PLEKHA5: variants seen among roughly 807,000 people sequenced by gnomAD.
PLEKHA5 encodes the protein pleckstrin homology domain-containing family A member 5.
PLEKHA5 carries 55 observed loss-of-function variants against 181.9 expected under a neutral mutation model. The observed-to-expected ratio is 0.30, with a 90% CI of 0.24 to 0.38. The LOEUF (loss-of-function observed/expected upper bound fraction) is 0.38. Ranked by LOEUF, PLEKHA5 falls within the 10% of genes least tolerant of loss-of-function variation. The pLI, the probability that PLEKHA5 is intolerant of heterozygous loss-of-function variation, is 1.00. For missense variants in PLEKHA5, 1,432 were observed against 1,549.5 expected (o/e 0.92, Z 1.27); for synonymous variants, 535 against 529.4 (o/e 1.01, Z -0.15).
intron 20 of PLEKHA5, among the ~76,000 whole-genome samples, chr12:19,322,997 C>CA (rs1449583659): frequency 9.4e-5 from 14 of 148,224 alleles, no homozygotes; most frequent in Non-Finnish European, 1.3e-4. Context: ...TACAGGCTGG[C>CA]ACTACTACAC....
intron 3 of PLEKHA5, among the ~76,000 whole-genome samples, chr12:19,235,368 T>G (rs1206390349): frequency 1.3e-5 from 2 of 152,208 alleles, no homozygotes; most frequent in Non-Finnish European, 2.9e-5. Flanking sequence ...TAACAAGGTA[T>G]GTACAATATG....
At chr12:19,340,480 T>C (rs1285186084) in intron 21 of PLEKHA5, among the ~76,000 whole-genome samples, 7 of 136,574 alleles carry the variant, frequency 5.1e-5, no homozygotes, top group Non-Finnish European at 8.2e-5. Context: ...GAACGGGCCA[T>C]GATGACAATG....
At chr12:19,331,360 A>AT (rs200306418) in intron 20 of PLEKHA5, among the ~76,000 whole-genome samples, 11 of 151,620 alleles carry the variant, frequency 7.3e-5, no homozygotes, top group East Asian at 1.9e-4. Flanking sequence ...ATTGGTTTTG[A>AT]TTTTTTTTTA....
intron 3 of PLEKHA5, among the ~76,000 whole-genome samples, chr12:19,251,437 A>G (rs1234974987): frequency 5.3e-5 from 8 of 151,812 alleles, no homozygotes; most frequent in African/African-American, 1.9e-4. Context: ...GAAAAGAAAA[A>G]AAAGTTGTAT....
intron 7 of PLEKHA5, among the ~76,000 whole-genome samples, chr12:19,264,062 G>A (rs2069468445): frequency 1.3e-5 from 2 of 151,336 alleles, no homozygotes; most frequent in South Asian, 4.1e-4. Context: ...GATAGAAGGT[G>A]AAGATTTTTT....
chr12:19,265,991 G>GTATTTC (rs1344778295), intron 8 of PLEKHA5, 141 bp downstream of exon 8: 1 of 448,426 alleles, frequency 2.2e-6, no homozygotes, highest in African/African-American at 2.0e-5. Flanking sequence ...TCTTATGGTT[G>GTATTTC]TATAGAAGAA....
At position 19,239,216 on chromosome 12, in the gene PLEKHA5, A is replaced by G. The variant is rs531570517; in HGVS notation, c.228-14724A>G. ...TTTGCATTGTAGAGATTCCATCTTC[A>G]CTCTGATGATCAAAACCTGCTAGTT... On this transcript the variant is annotated intron_variant, in intron 3 of 31. Coordinates refer to ENST00000429027, the MANE Select transcript of PLEKHA5 (RefSeq NM_001256470.2). Among the ~76,000 whole-genome samples, 13 of 152,274 alleles carry G rather than the reference A, an allele frequency of 8.5e-5. 1 individual carries two copies. The South Asian group carries it at 2.3e-3, about 27-fold the overall frequency.
chr12:19,219,797 A>G (rs1344764546), intron 3 of PLEKHA5, among the ~76,000 whole-genome samples: 1 of 152,064 alleles, frequency 6.6e-6, no homozygotes, highest in African/African-American at 2.4e-5. Flanking sequence ...CTGATACAAG[A>G]TCTTTATATA....
At chr12:19,253,366 C>T (rs1444401721) in intron 3 of PLEKHA5, among the ~76,000 whole-genome samples, 2 of 151,670 alleles carry the variant, frequency 1.3e-5, no homozygotes, top group East Asian at 3.9e-4. Context: ...TGAGCCATGG[C>T]ACCTGGCCTA....
chr12:19,274,051 A>G (rs1340490671), intron 10 of PLEKHA5, among the ~76,000 whole-genome samples: 1 of 152,228 alleles, frequency 6.6e-6, no homozygotes, highest in East Asian at 1.9e-4. Flanking sequence ...TATATGGTTC[A>G]GATCTTTGAT....
chr12:19,306,674 G>A (rs1452250664), intron 15 of PLEKHA5: 1 of 1,471,936 alleles, frequency 6.8e-7, no homozygotes, highest in South Asian at 1.1e-5. Context: ...CCGGGCGCTA[G>A]CTCTGAGCAG....
rs559480349 is a variant in PLEKHA5 at position 19,194,331 on chromosome 12, T to C, written c.228-59609T>C. 1.2e-4 allele frequency among the ~76,000 whole-genome samples: 19 copies of C among 152,354 alleles called. No individual in the cohort carries two copies. In the South Asian group the frequency reaches 3.9e-3, roughly 32 times the overall value. On this transcript the variant is annotated intron_variant, in intron 3 of 31. Transcript: ENST00000429027. ...CCACTGTGTATATGCACATTTACTT[T>C]ATCCAGTCCTCCACTGATGGACAGT...
At chr12:19,224,513 G>C (rs1291920205) in intron 3 of PLEKHA5, among the ~76,000 whole-genome samples, 1 of 151,960 alleles carries the variant, frequency 6.6e-6, no homozygotes, top group Non-Finnish European at 1.5e-5. Flanking sequence ...TTATCCCAAG[G>C]AACACCTACC....
At chr12:19,197,455 CCT>C (rs2053091797) in intron 3 of PLEKHA5, among the ~76,000 whole-genome samples, 1 of 152,122 alleles carries the variant, frequency 6.6e-6, no homozygotes, top group African/African-American at 2.4e-5. Context: ...TATCCTGACT[CCT>C]CTTTAATTTC....
intron 15 of PLEKHA5, among the ~76,000 whole-genome samples, chr12:19,294,896 G>C (rs1271035574): frequency 1.3e-5 from 2 of 152,158 alleles, no homozygotes; most frequent in East Asian, 3.9e-4. Context: ...TTATGAGGAT[G>C]AATCATGTAT....
In PLEKHA5 at chr12:19,174,956, TA is replaced by T. The variant is rs574902668; in HGVS notation, c.227+42507del. Among the ~76,000 whole-genome samples the T allele has an allele frequency of 4.9e-4, 74 of 152,316 alleles. No homozygotes were observed. In the East Asian group the frequency reaches 0.013, roughly 28 times the overall value. ...GTGAGAGAAATTTTATTTGCATATG[TA>T]GCATTTTAACATAGTTGATTCCCAT... On this transcript the variant is annotated intron_variant, in intron 3 of 31. Transcript: ENST00000429027.
chr12:19,221,777 G>A (rs995441660), intron 3 of PLEKHA5, among the ~76,000 whole-genome samples: 2 of 152,038 alleles, frequency 1.3e-5, no homozygotes, highest in East Asian at 1.9e-4. Flanking sequence ...TCTGTAAGAC[G>A]AAAGACAAAC....
intron 28 of PLEKHA5, among the ~76,000 whole-genome samples, chr12:19,360,497 G>C (rs1470470447): frequency 1.3e-5 from 2 of 151,738 alleles, no homozygotes; most frequent in Non-Finnish European, 2.9e-5. Flanking sequence ...ATCACTACTT[G>C]GGAGGCTGAA....
chr12:19,208,925 T>C (rs2056323580), intron 3 of PLEKHA5, among the ~76,000 whole-genome samples: 1 of 152,130 alleles, frequency 6.6e-6, no homozygotes, highest in African/African-American at 2.4e-5. Flanking sequence ...GCCATATTTT[T>C]CTCAAAATAA....
Sources: allele counts gnomAD v4.1 joint callset (sites outside exome capture counted in the v4.1 genomes callset), GRCh38; gene constraint gnomAD v4.1.1; transcripts MANE v1.5; gene names NCBI Gene and HGNC (gene_info 2026-07-23, HGNC 2026-07-21).